PKIB: variants seen among roughly 807,000 people sequenced by gnomAD.
PKIB encodes the protein PKI-beta.
A neutral mutation model predicts 4.5 loss-of-function variants in PKIB; 2 were observed. The observed-to-expected ratio is 0.44, with a 90% CI of 0.18 to 1.39. PKIB has a LOEUF of 1.39. Among genes scored for constraint, PKIB ranks in the 40% most tolerant of loss-of-function variants. The probability of loss-of-function intolerance (pLI) is 0.27; values close to 1 mark genes in which losing one functional copy is unlikely to be tolerated. For synonymous variants in PKIB, 38 were observed against 36.0 expected (o/e 1.06, Z -0.20); for missense variants, 94 against 92.6 (o/e 1.02, Z -0.06).
intron 2 of PKIB, among the ~76,000 whole-genome samples, chr6:122,645,961 T>A (rs2566833): frequency 0.35 from 53,898 of 151,884 alleles, 10,351 homozygotes; most frequent in South Asian, 0.63. Flanking sequence ...TTTGATACAA[T>A]CAGCCTTGCC....
At chr6:122,629,103 G>A (rs1775583823) in intron 1 of PKIB, among the ~76,000 whole-genome samples, 1 of 152,178 alleles carries the variant, frequency 6.6e-6, no homozygotes, top group Non-Finnish European at 1.5e-5. Flanking sequence ...CAGTCCTGAA[G>A]GGGGCAGCTG....
chr6:122,526,465 A>G (rs1025371949), intron 2 of PKIB, among the ~76,000 whole-genome samples: 2 of 152,126 alleles, frequency 1.3e-5, no homozygotes, highest in Non-Finnish European at 2.9e-5. Context: ...CCCTTGATCT[A>G]TGAGTTGCAG....
At chr6:122,638,369 G>A (rs774773822) in intron 2 of PKIB, among the ~76,000 whole-genome samples, 1 of 152,132 alleles carries the variant, frequency 6.6e-6, no homozygotes, top group Non-Finnish European at 1.5e-5. Flanking sequence ...AGACTCTGAG[G>A]ACCAAATATC....
At position 122,692,499 on chromosome 6, in the gene PKIB, C is replaced by T. The variant is rs200521551; in HGVS notation, c.-9+17355C>T. Among the ~76,000 whole-genome samples, 11 of 152,264 alleles carry T rather than the reference C, an allele frequency of 7.2e-5. No individual in the cohort carries two copies. In the East Asian group the frequency reaches 1.9e-3, roughly 27 times the overall value. Reference sequence around the variant, plus strand: ...AGCCCCATGGGGAGTACTTCCAGGCCATTGCTTATTTTCACTACTTGCCTA... The same window carrying T: ...AGCCCCATGGGGAGTACTTCCAGGCTATTGCTTATTTTCACTACTTGCCTA... On this transcript the variant is annotated intron_variant, in intron 3 of 4. Coordinates refer to ENST00000368452, the MANE Select transcript of PKIB (RefSeq NM_181795.3).
At chr6:122,705,074 A>C (rs1030415205) in intron 3 of PKIB, among the ~76,000 whole-genome samples, 2 of 152,140 alleles carry the variant, frequency 1.3e-5, no homozygotes, top group African/African-American at 4.8e-5. Context: ...ATATACCAGA[A>C]AAACACTATA....
At chr6:122,642,960 G>T (rs1385145152) in intron 2 of PKIB, among the ~76,000 whole-genome samples, 4 of 152,026 alleles carry the variant, frequency 2.6e-5, no homozygotes, top group Non-Finnish European at 5.9e-5. Flanking sequence ...ATAGCTCCTA[G>T]GATTAAAAGG....
chr6:122,668,879 T>C (rs916170291), intron 2 of PKIB, among the ~76,000 whole-genome samples: 1 of 152,172 alleles, frequency 6.6e-6, no homozygotes, highest in African/African-American at 2.4e-5. Context: ...CAATAAAAAT[T>C]GAGGAGGAGG....
At chr6:122,593,919 T>C (rs1021637234) in intron 3 of PKIB, among the ~76,000 whole-genome samples, 1 of 152,162 alleles carries the variant, frequency 6.6e-6, no homozygotes, top group Non-Finnish European at 1.5e-5. Flanking sequence ...CCAGGATCAA[T>C]ACTTTGTATC....
chr6:122,527,581 G>C (rs1777131378), intron 2 of PKIB, among the ~76,000 whole-genome samples: 1 of 152,150 alleles, frequency 6.6e-6, no homozygotes, highest in African/African-American at 2.4e-5. Context: ...CAGCAGAGCA[G>C]TCAGAACATA....
upstream of PKIB, among the ~76,000 whole-genome samples, chr6:122,607,395 G>A (rs1393817655): frequency 1.3e-5 from 2 of 152,180 alleles, no homozygotes; most frequent in South Asian, 2.1e-4. Flanking sequence ...ATGTGTGCCC[G>A]TAGTCTCAGC....
At chr6:122,477,643 TAAGAATAG>T (rs1161190107) in intron 1 of PKIB, among the ~76,000 whole-genome samples, 1 of 152,190 alleles carries the variant, frequency 6.6e-6, no homozygotes, top group African/African-American at 2.4e-5. Flanking sequence ...GAATTAATTG[TAAGAATAG>T]AATGATATCC....
chr6:122,712,828 T>A (rs1394260695), intron 3 of PKIB, among the ~76,000 whole-genome samples: 1 of 152,124 alleles, frequency 6.6e-6, no homozygotes, highest in Non-Finnish European at 1.5e-5. Flanking sequence ...GAGAAAATAA[T>A]GTGTTTGAAT....
At chr6:122,625,994 A>G (rs1176413657) in intron 1 of PKIB, among the ~76,000 whole-genome samples, 1 of 152,132 alleles carries the variant, frequency 6.6e-6, no homozygotes, top group African/African-American at 2.4e-5. Context: ...ACTTGAGCCC[A>G]GAAGGTCAAG....
At chr6:122,645,696 A>G (rs1776281833) in intron 2 of PKIB, among the ~76,000 whole-genome samples, 1 of 152,198 alleles carries the variant, frequency 6.6e-6, no homozygotes, top group Non-Finnish European at 1.5e-5. Flanking sequence ...AGTGAACTAC[A>G]TAGGGCATTA....
chr6:122,705,441 T>C (rs555680668), intron 3 of PKIB, among the ~76,000 whole-genome samples: 2 of 152,322 alleles, frequency 1.3e-5, no homozygotes, highest in Non-Finnish European at 2.9e-5. Context: ...TCTGTAGCAT[T>C]TTCATATAAA....
In PKIB at chr6:122,556,046, T is replaced by A. The variant is rs543641221; in HGVS notation, c.-247-29875T>A. ...ATCTCATCTTGAATTGTAATCTGAATTTTAATCCCCACGTGTTGGGGAAGG... is the reference window on the plus strand; with the variant it reads ...ATCTCATCTTGAATTGTAATCTGAAATTTAATCCCCACGTGTTGGGGAAGG... On this transcript the variant is annotated intron_variant, in intron 2 of 6. Transcript: ENST00000392491. Among the ~76,000 whole-genome samples the A allele has an allele frequency of 8.5e-5, 13 of 152,272 alleles. No individual in the cohort carries two copies. The South Asian group carries it at 2.7e-3, about 32-fold the overall frequency.
At chr6:122,691,934 G>A (rs1053450890) in intron 3 of PKIB, among the ~76,000 whole-genome samples, 1 of 152,184 alleles carries the variant, frequency 6.6e-6, no homozygotes, top group Non-Finnish European at 1.5e-5. Context: ...TGTGGTTCTT[G>A]TAGGCTTGTA....
At chr6:122,539,769 C>T (rs1777531990) in intron 2 of PKIB, among the ~76,000 whole-genome samples, 1 of 151,948 alleles carries the variant, frequency 6.6e-6, no homozygotes, top group South Asian at 2.1e-4. Flanking sequence ...CCAGCTCCTC[C>T]TTGTACCTCT....
chr6:122,725,186 A>G lies in PKIB; in HGVS notation c.228A>G (p.Glu76=). 1 of 1,610,910 alleles carries G rather than the reference A, an allele frequency of 6.2e-7. No individual in the cohort carries two copies. Among genetic ancestry groups the G allele is most frequent in the Non-Finnish European group, 8.5e-7 (1 of 1,178,504 alleles). Residue 76 remains glutamate, a synonymous_variant, in exon 5 of 5, where the codon GAA becomes GAG. Transcript: ENST00000368452. ...ACCAATTGGAAAAGCCTCAAAATGA[A>G]GAAAAATGAAGGCTCATAATCTATC... is the stretch of plus-strand genomic sequence containing the variant. The part of the protein sequence containing the change: ...TQDQLEKPQN[E]EK
Sources: allele counts gnomAD v4.1 joint callset (sites outside exome capture counted in the v4.1 genomes callset), GRCh38; gene constraint gnomAD v4.1.1; transcripts MANE v1.5; gene names NCBI Gene and HGNC (gene_info 2026-07-23, HGNC 2026-07-21).